The following NRXN3 variants were observed in gnomAD, a reference collection of about 807,000 sequenced individuals.
The protein encoded by NRXN3 is neurexin 3.
NRXN3 carries 32 observed loss-of-function variants against 137.6 expected under a neutral mutation model. That is an observed-to-expected ratio of 0.23 (90% CI 0.18 to 0.31). The LOEUF (loss-of-function observed/expected upper bound fraction) is 0.31. Among genes scored for constraint, NRXN3 ranks in the 10% least tolerant of loss-of-function variants. The pLI is 1.00. For synonymous variants in NRXN3, 798 were observed against 784.5 expected, an observed-to-expected ratio of 1.02 and a Z score of -0.29; for missense variants, 1,574 against 2,062.5, an observed-to-expected ratio of 0.76 and a Z score of 4.59.
intron 4 of NRXN3, among the ~76,000 whole-genome samples, chr14:78,494,450 T>C (rs2095734505): frequency 7.3e-6 from 1 of 137,870 alleles, no homozygotes; most frequent in African/African-American, 2.5e-5. Context: ...CTGATTTCCT[T>C]TTTCAAACTT....
intron 4 of NRXN3, among the ~76,000 whole-genome samples, chr14:78,408,338 C>T (rs934725470): frequency 1.3e-5 from 2 of 152,158 alleles, no homozygotes; most frequent in African/African-American, 2.4e-5. Context: ...ATTTGCTCAA[C>T]TGAATTACCT....
intron 4 of NRXN3, among the ~76,000 whole-genome samples, chr14:78,418,479 G>C (rs565331337): frequency 6.6e-6 from 1 of 152,238 alleles, no homozygotes; most frequent in Admixed American, 6.5e-5. Context: ...TAAGCTCCTA[G>C]AAAAGAAGGG....
chr14:79,088,809 A>C (rs1208846242), intron 15 of NRXN3, among the ~76,000 whole-genome samples: 1 of 152,116 alleles, frequency 6.6e-6, no homozygotes, highest in Non-Finnish European at 1.5e-5. Flanking sequence ...AAAAGGATGG[A>C]TATTTGGAAA....
chr14:79,420,535 G>C (rs1162788058), intron 15 of NRXN3, among the ~76,000 whole-genome samples: 1 of 152,116 alleles, frequency 6.6e-6, no homozygotes, highest in African/African-American at 2.4e-5. Flanking sequence ...GGGAAAGGCT[G>C]AGTGACTGTA....
At chr14:78,900,417 A>C (rs2099191993) in intron 10 of NRXN3, among the ~76,000 whole-genome samples, 1 of 150,076 alleles carries the variant, frequency 6.7e-6, no homozygotes, top group African/African-American at 2.4e-5. Context: ...CTTGTTTTGA[A>C]GGCAGCAACC....
chr14:79,039,466 A>G lies in NRXN3; in HGVS notation c.3262+51325A>G, dbSNP rs1456162246. Among the ~76,000 whole-genome samples, 3 of 152,058 alleles carry G rather than the reference A, an allele frequency of 2.0e-5. No individual in the cohort carries two copies. The East Asian group carries it at 5.8e-4, about 29-fold the overall frequency. On this transcript the variant is annotated intron_variant, in intron 15 of 20. Transcript: ENST00000335750. ...TATTGAGAATAAGAGAGATTAGGAA[A>G]TTTACACTGCTTCTGAGGGACAAGG...
chr14:79,558,167 C>G (rs747806150), intron 16 of NRXN3, among the ~76,000 whole-genome samples: 4 of 152,092 alleles, frequency 2.6e-5, no homozygotes, highest in Non-Finnish European at 5.9e-5. Flanking sequence ...CCCACTGAAG[C>G]CTTGAACCCC....
intron 4 of NRXN3, among the ~76,000 whole-genome samples, chr14:78,469,874 G>A (rs1039874258): frequency 6.6e-6 from 1 of 152,150 alleles, no homozygotes; most frequent in African/African-American, 2.4e-5. Flanking sequence ...AGCTAAAACT[G>A]CCTCTTCCTT....
chr14:79,273,129 G>A (rs964336366), intron 15 of NRXN3, among the ~76,000 whole-genome samples: 3 of 122,570 alleles, frequency 2.4e-5, no homozygotes, highest in Non-Finnish European at 4.8e-5. Context: ...CAGAGATCAC[G>A]CCACTGCATT....
chr14:78,610,971 C>G (rs2097295685), intron 4 of NRXN3, among the ~76,000 whole-genome samples: 1 of 152,208 alleles, frequency 6.6e-6, no homozygotes, highest in Admixed American at 6.5e-5. Context: ...ATGCTGTTCT[C>G]TCCTTTGTCA....
At chr14:79,047,143 C>T (rs1298111227) in intron 15 of NRXN3, among the ~76,000 whole-genome samples, 1 of 144,852 alleles carries the variant, frequency 6.9e-6, no homozygotes, top group Non-Finnish European at 1.5e-5. Context: ...GCCCCACCCC[C>T]GAAAAAAAAA....
At position 79,088,330 on chromosome 14, in the gene NRXN3, C is replaced by A. The variant is rs1035909708; in HGVS notation, c.3262+100189C>A. The stretch of plus-strand genomic sequence containing the variant: ...TTGAAGCCCCAGGTGAAATGGGAGC[C>A]CTTTACTACCTCCTGCTAAAGGTGG... On this transcript the variant is annotated intron_variant, in intron 15 of 20. Transcript: ENST00000335750. Among the ~76,000 whole-genome samples, 6 of 149,320 alleles carry A rather than the reference C, an allele frequency of 4.0e-5. 1 individual carries two copies. Among genetic ancestry groups the A allele is most frequent in the African/African-American group, 1.5e-4 (6 of 38,772 alleles).
chr14:79,410,982 A>T (rs2095410143), intron 15 of NRXN3, among the ~76,000 whole-genome samples: 1 of 152,032 alleles, frequency 6.6e-6, no homozygotes, highest in South Asian at 2.1e-4. Context: ...AGACTCAATT[A>T]AGTGCATTTA....
intron 19 of NRXN3, among the ~76,000 whole-genome samples, chr14:79,756,971 A>G (rs1568134553): frequency 6.6e-6 from 1 of 152,222 alleles, no homozygotes; most frequent in Non-Finnish European, 1.5e-5. Flanking sequence ...CTAAGGGTTC[A>G]CATGAAATGT....
At chr14:79,712,891 C>T (rs1603446779) in intron 19 of NRXN3, among the ~76,000 whole-genome samples, 1 of 152,122 alleles carries the variant, frequency 6.6e-6, no homozygotes, top group Non-Finnish European at 1.5e-5. Flanking sequence ...CTAGTTTCAG[C>T]TCTATTTATT....
intron 15 of NRXN3, among the ~76,000 whole-genome samples, chr14:79,073,517 G>T (rs1335893898): frequency 3.3e-5 from 5 of 152,070 alleles, no homozygotes; most frequent in African/African-American, 1.2e-4. Flanking sequence ...TGCTGAAATG[G>T]GAGTCCTAGT....
At chr14:79,678,272 A>C (rs1471370827) in intron 17 of NRXN3, among the ~76,000 whole-genome samples, 1 of 152,174 alleles carries the variant, frequency 6.6e-6, no homozygotes, top group Non-Finnish European at 1.5e-5. Context: ...CAACTGACAT[A>C]GCCAAACTGT....
At chr14:78,560,473 T>G (rs11625885) in intron 4 of NRXN3, among the ~76,000 whole-genome samples, 36,807 of 152,136 alleles carry the variant, frequency 0.24, 4,650 homozygotes, top group Middle Eastern at 0.31. Flanking sequence ...ACAGCAACAC[T>G]TTTTAATTAA....
At chr14:79,684,129 T>C (rs1473984975) in intron 17 of NRXN3, among the ~76,000 whole-genome samples, 1 of 152,220 alleles carries the variant, frequency 6.6e-6, no homozygotes, top group African/African-American at 2.4e-5. Flanking sequence ...AGGTATCTCC[T>C]ACCAGAAACA....
Sources: gnomAD v4.1 joint callset for allele counts (sites outside exome capture counted in the v4.1 genomes callset) on GRCh38, gnomAD v4.1.1 for gene constraint, MANE v1.5 for transcripts, NCBI Gene and HGNC (gene_info 2026-07-23, HGNC 2026-07-21) for gene names.